Variants in SOX5 observed in about 807,000 individuals in gnomAD.
SOX5 encodes transcription factor SOX-5.
A neutral mutation model predicts 92.0 loss-of-function variants in SOX5; 9 were observed. The ratio of observed to expected loss-of-function variants is 0.10; its 90% CI spans 0.06 to 0.17. SOX5 has a LOEUF of 0.17. Among genes scored for constraint, SOX5 ranks in the 10% least tolerant of loss-of-function variants. The pLI is 1.00. For synonymous variants in SOX5, 344 were observed against 336.3 expected (o/e 1.02, Z -0.25); for missense variants, 642 against 944.5 (o/e 0.68, Z 4.20).
At chr12:23,785,323 A>C (rs1453030730) in intron 3 of SOX5, among the ~76,000 whole-genome samples, 1 of 152,042 alleles carries the variant, frequency 6.6e-6, no homozygotes, top group African/African-American at 2.4e-5. Context: ...TAAATACCTA[A>C]TTTTTCCATT....
intron 9 of SOX5, among the ~76,000 whole-genome samples, chr12:23,580,472 C>A (rs1044968012): frequency 3.3e-5 from 5 of 151,990 alleles, no homozygotes; most frequent in African/African-American, 1.2e-4. Flanking sequence ...GCTTCTCTGA[C>A]CTCTATGCTA....
At chr12:24,391,509 T>C (rs780725445) in intron 1 of SOX5, among the ~76,000 whole-genome samples, 1 of 152,202 alleles carries the variant, frequency 6.6e-6, no homozygotes, top group Non-Finnish European at 1.5e-5. Context: ...CGGTGGCACC[T>C]AACTACAGAC....
chr12:24,035,904 C>T (rs1241751353), intron 4 of SOX5, among the ~76,000 whole-genome samples: 2 of 151,952 alleles, frequency 1.3e-5, no homozygotes, highest in African/African-American at 4.8e-5. Context: ...GGTGATTATC[C>T]TTCCGAGTTG....
At chr12:24,331,478 G>T (rs1047037286) in intron 2 of SOX5, 1 of 152,052 alleles carries the variant, frequency 6.6e-6, no homozygotes, top group African/African-American at 2.4e-5. Flanking sequence ...TTTGATTTAG[G>T]ACTTAATCAT....
intron 1 of SOX5, among the ~76,000 whole-genome samples, chr12:24,422,034 G>T (rs904004803): frequency 4.6e-5 from 7 of 152,222 alleles, no homozygotes; most frequent in Admixed American, 3.9e-4. Context: ...AAGGTTGACT[G>T]CACAATGACC....
intron 3 of SOX5, among the ~76,000 whole-genome samples, chr12:23,829,947 C>G (rs2096288241): frequency 6.6e-6 from 1 of 152,084 alleles, no homozygotes; most frequent in Non-Finnish European, 1.5e-5. Flanking sequence ...AACACTGGTA[C>G]TCAGCTCCAG....
chr12:23,775,407 C>T (rs777435064), intron 3 of SOX5, among the ~76,000 whole-genome samples: 1 of 152,176 alleles, frequency 6.6e-6, no homozygotes, highest in Non-Finnish European at 1.5e-5. Flanking sequence ...ATTCAAACAA[C>T]TGTCTGTTGA....
chr12:23,791,031 A>C (rs920427211), intron 3 of SOX5, among the ~76,000 whole-genome samples: 33 of 152,142 alleles, frequency 2.2e-4, no homozygotes, highest in African/African-American at 5.1e-4. Context: ...TACCAGTCTA[A>C]CAACTGCTGA....
At chr12:24,212,308 T>C (rs1264255000) in intron 4 of SOX5, 1 of 489,202 alleles carries the variant, frequency 2.0e-6, no homozygotes, top group Non-Finnish European at 4.0e-6. Context: ...CCAGATAGAA[T>C]AACTTTAAGC....
At position 23,575,788 on chromosome 12, in the gene SOX5, A is replaced by G; in HGVS notation, c.1215T>C (p.Asp405=). The change falls in exon 10 of 15, where the codon GAT becomes GAC. Residue 405 remains aspartate (D), a synonymous_variant. Transcript: ENST00000451604. Reference sequence around the variant, plus strand: ...AGGTGGGTGATGTGGGTGATTTGCCATCAGAGGTCTTGGGTTTAGCTGATA... The same window carrying G: ...AGGTGGGTGATGTGGGTGATTTGCCGTCAGAGGTCTTGGGTTTAGCTGATA... ...LNLSAKPKTS[D]GKSPTSPTSP... is the part of the protein sequence containing the mutation. The G allele has an allele frequency of 1.2e-6, 2 of 1,609,416 alleles. No individual in the cohort carries two copies. The highest frequency in any genetic ancestry group is 1.7e-6 in the Non-Finnish European group (2 of 1,177,924).
chr12:23,677,224 G>A (rs1263406328), intron 6 of SOX5, among the ~76,000 whole-genome samples: 1 of 152,036 alleles, frequency 6.6e-6, no homozygotes, highest in Admixed American at 6.6e-5. Context: ...CCTAGTTTCA[G>A]CCTTGACGAT....
chr12:24,167,840 A>C (rs1391201760), intron 4 of SOX5, among the ~76,000 whole-genome samples: 1 of 152,192 alleles, frequency 6.6e-6, no homozygotes, highest in Non-Finnish European at 1.5e-5. Flanking sequence ...TAAGAGTCTA[A>C]TTATCCCCAG....
At chr12:23,724,492 T>G (rs954520681) in intron 6 of SOX5, among the ~76,000 whole-genome samples, 1 of 152,200 alleles carries the variant, frequency 6.6e-6, no homozygotes, top group African/African-American at 2.4e-5. Context: ...CAAAAATTTA[T>G]TGAAATAGAA....
intron 8 of SOX5, among the ~76,000 whole-genome samples, chr12:23,618,852 A>G (rs1375821512): frequency 2.0e-5 from 3 of 152,166 alleles, no homozygotes; most frequent in Non-Finnish European, 2.9e-5. Flanking sequence ...TTGCAGTGGG[A>G]TAGAGGTGGA....
intron 4 of SOX5, among the ~76,000 whole-genome samples, chr12:24,057,368 G>A (rs1184207620): frequency 1.3e-5 from 2 of 152,036 alleles, no homozygotes; most frequent in Non-Finnish European, 2.9e-5. Context: ...CATTGTTTTG[G>A]ATTTATATTT....
intron 2 of SOX5, among the ~76,000 whole-genome samples, chr12:24,340,615 C>T (rs1189050699): frequency 6.6e-6 from 1 of 152,192 alleles, no homozygotes; most frequent in Non-Finnish European, 1.5e-5. Flanking sequence ...TGAGCACATC[C>T]TTTCTGCTTC....
chr12:24,100,422 T>C (rs1393793910), intron 4 of SOX5, among the ~76,000 whole-genome samples: 1 of 152,180 alleles, frequency 6.6e-6, no homozygotes, highest in Non-Finnish European at 1.5e-5. Context: ...ATTTATATCT[T>C]GGCAGCATTA....
At chr12:23,701,643 T>C (rs1448810276) in intron 6 of SOX5, among the ~76,000 whole-genome samples, 1 of 152,064 alleles carries the variant, frequency 6.6e-6, no homozygotes, top group Non-Finnish European at 1.5e-5. Flanking sequence ...TATTGTATAG[T>C]TACTTAAAAT....
chr12:23,772,055 C>T (rs888839480), intron 3 of SOX5, among the ~76,000 whole-genome samples: 1 of 152,148 alleles, frequency 6.6e-6, no homozygotes, highest in Non-Finnish European at 1.5e-5. Flanking sequence ...AGCATATTTG[C>T]ATGCCTGCTC....
Sources: allele counts gnomAD v4.1 joint callset (sites outside exome capture counted in the v4.1 genomes callset), GRCh38; gene constraint gnomAD v4.1.1; transcripts MANE v1.5; gene names NCBI Gene and HGNC (gene_info 2026-07-23, HGNC 2026-07-21).